Variants in SGCZ observed in about 807,000 individuals in gnomAD.
SGCZ encodes the protein sarcoglycan zeta.
A neutral mutation model predicts 41.3 loss-of-function variants in SGCZ; 40 were observed. The observed-to-expected ratio is 0.97, with a 90% confidence interval of 0.75 to 1.26. SGCZ has a LOEUF of 1.26. Among genes scored for constraint, SGCZ ranks in the 50% most tolerant of loss-of-function variants. The probability of loss-of-function intolerance (pLI) is 0.00; values close to 1 mark genes in which losing one functional copy is unlikely to be tolerated. For synonymous variants in SGCZ, 206 were observed against 137.5 expected, an observed-to-expected ratio of 1.50 and a Z score of -3.49; for missense variants, 552 against 369.8, an observed-to-expected ratio of 1.49 and a Z score of -4.04.
chr8:14,489,885 G>T lies in SGCZ; in HGVS notation c.234+64847C>A, dbSNP rs569143037. 6.3e-3 allele frequency among the ~76,000 whole-genome samples: 271 copies of T among 42,728 alleles called. 2 individuals are homozygous for T. Among genetic ancestry groups the T allele is most frequent in the Admixed American group, 0.019 (68 of 3,628 alleles). The allele number at this position is 42,728 out of a possible 152,430, so 28.0% of individuals were successfully genotyped here. A position where few individuals can be genotyped will look rare whatever the true frequency, so the allele number is the denominator to read the frequency against. On this transcript the variant is annotated intron_variant, in intron 2 of 7. Transcript: ENST00000382080. ...CTCCTACCTTTTTTTTTTTTTTCCT[G>T]AGATGGAGTCTCGCTCTGTCGCCCA... is the stretch of plus-strand genomic sequence containing the variant.
At position 14,260,167 on chromosome 8, in the gene SGCZ, G is replaced by A. The variant is rs568085868; in HGVS notation, c.337-22488C>T. On this transcript the variant is annotated intron_variant, in intron 3 of 7. Coordinates refer to ENST00000382080, the MANE Select transcript of SGCZ (RefSeq NM_139167.4). ...CATCAGAGTGAACAGGCAACCTACA[G>A]AATGGGAGAAAATTTTCGCAACCTA... 2.4e-4 allele frequency among the ~76,000 whole-genome samples: 37 copies of A among 152,132 alleles called. No individual in the cohort carries two copies. The East Asian group carries it at 3.1e-3, about 13-fold the overall frequency.
chr8:14,871,876 GTATATATGTATGTATA>G (rs1277415114), intron 1 of SGCZ, among the ~76,000 whole-genome samples: 1 of 148,734 alleles, frequency 6.7e-6, no homozygotes, highest in East Asian at 1.9e-4. Context: ...ATATATGTAT[GTATATATGTATGTATA>G]TATGTATGTA....
At chr8:15,092,866 C>A (rs192293486) in intron 1 of SGCZ, among the ~76,000 whole-genome samples, 2 of 152,182 alleles carry the variant, frequency 1.3e-5, no homozygotes, top group Admixed American at 6.5e-5. Flanking sequence ...TAAAGCAGAC[C>A]CACTTAAAAC....
chr8:14,946,132 T>A (rs1800439422), intron 1 of SGCZ, among the ~76,000 whole-genome samples: 1 of 145,812 alleles, frequency 6.9e-6, no homozygotes, highest in Non-Finnish European at 1.5e-5. Flanking sequence ...CAACTACATT[T>A]GTTTTGATTT....
At chr8:14,832,982 A>C (rs1046023062) in intron 1 of SGCZ, among the ~76,000 whole-genome samples, 2 of 152,074 alleles carry the variant, frequency 1.3e-5, no homozygotes, top group Admixed American at 1.3e-4. Flanking sequence ...TATTTTTAAT[A>C]GTTTGATCAT....
intron 1 of SGCZ, among the ~76,000 whole-genome samples, chr8:15,019,710 T>A (rs1803181990): frequency 6.6e-6 from 1 of 151,676 alleles, no homozygotes; most frequent in African/African-American, 2.4e-5. Flanking sequence ...CACAACTAAG[T>A]CATGTCCTCC....
intron 1 of SGCZ, among the ~76,000 whole-genome samples, chr8:14,896,434 G>T (rs1805200279): frequency 2.1e-5 from 3 of 142,338 alleles, no homozygotes; most frequent in Non-Finnish European, 3.0e-5. Flanking sequence ...CATGATGGAA[G>T]ACTTTTATTT....
chr8:14,601,643 T>G (rs1189810837), intron 1 of SGCZ, among the ~76,000 whole-genome samples: 1 of 152,302 alleles, frequency 6.6e-6, no homozygotes, highest in African/African-American at 2.4e-5. Flanking sequence ...CAATCCTCAC[T>G]GGGATTATCT....
intron 2 of SGCZ, among the ~76,000 whole-genome samples, chr8:14,359,917 A>T (rs1229321165): frequency 2.6e-5 from 4 of 152,220 alleles, no homozygotes; most frequent in African/African-American, 9.6e-5. Context: ...ATCATTCATC[A>T]TGACCCATTG....
chr8:14,289,869 T>C (rs1030273486), intron 3 of SGCZ, among the ~76,000 whole-genome samples: 1 of 150,514 alleles, frequency 6.6e-6, no homozygotes, highest in South Asian at 2.1e-4. Flanking sequence ...TGACTTACAG[T>C]TGTGCATAGC....
At chr8:15,156,476 A>AATGTACTTGGATAGAATGT (rs1344319837) in intron 1 of SGCZ, among the ~76,000 whole-genome samples, 2 of 152,202 alleles carry the variant, frequency 1.3e-5, no homozygotes, top group Non-Finnish European at 2.9e-5. Flanking sequence ...ACTTGGAAAG[A>AATGTACTTGGATAGAATGT]ACATACCTGA....
intron 1 of SGCZ, among the ~76,000 whole-genome samples, chr8:14,970,458 T>G (rs571678434): frequency 6.6e-6 from 1 of 152,286 alleles, no homozygotes; most frequent in East Asian, 1.9e-4. Flanking sequence ...ATTTTAGACT[T>G]CATATTTAGG....
intron 1 of SGCZ, among the ~76,000 whole-genome samples, chr8:14,839,754 C>T (rs905652123): frequency 5.3e-5 from 8 of 151,932 alleles, no homozygotes; most frequent in East Asian, 1.9e-4. Context: ...CAATTAGTTA[C>T]GTATTTCTTG....
At chr8:15,198,408 G>T (rs1016478720) in intron 1 of SGCZ, among the ~76,000 whole-genome samples, 2 of 151,944 alleles carry the variant, frequency 1.3e-5, no homozygotes, top group African/African-American at 2.4e-5. Flanking sequence ...GGCCTTTAGG[G>T]TATCTTTATT....
chr8:14,894,962 A>G (rs543293661), intron 1 of SGCZ, among the ~76,000 whole-genome samples: 2 of 152,266 alleles, frequency 1.3e-5, no homozygotes, highest in East Asian at 3.9e-4. Flanking sequence ...TGGATGCTAA[A>G]TGCAAAAAAA....
intron 1 of SGCZ, among the ~76,000 whole-genome samples, chr8:15,192,861 T>A (rs1239983692): frequency 6.6e-6 from 1 of 152,060 alleles, no homozygotes; most frequent in African/African-American, 2.4e-5. Context: ...ACCAGTTTTG[T>A]TTTATTTTAG....
intron 1 of SGCZ, among the ~76,000 whole-genome samples, chr8:14,597,941 T>A (rs1350164591): frequency 6.6e-6 from 1 of 152,250 alleles, no homozygotes; most frequent in Non-Finnish European, 1.5e-5. Context: ...TCAATATTTA[T>A]ATTATTTTCA....
At chr8:14,657,074 T>A (rs12544938) in intron 1 of SGCZ, among the ~76,000 whole-genome samples, 28,350 of 152,032 alleles carry the variant, frequency 0.19, 3,485 homozygotes, top group East Asian at 0.44. Flanking sequence ...GTCACTCATT[T>A]ATTTTCAATA....
At chr8:14,428,121 C>G (rs201766934) in intron 2 of SGCZ, among the ~76,000 whole-genome samples, 1 of 6,670 alleles carries the variant, frequency 1.5e-4, no homozygotes. Context: ...CACACACACA[C>G]ACACACACAC....
Sources: allele counts gnomAD v4.1 joint callset (sites outside exome capture counted in the v4.1 genomes callset), GRCh38; gene constraint gnomAD v4.1.1; transcripts MANE v1.5; gene names NCBI Gene and HGNC (gene_info 2026-07-23, HGNC 2026-07-21).